SYT1: variants seen among roughly 807,000 people sequenced by gnomAD.
SYT1 encodes the protein synaptotagmin 1, also known as synaptotagmin-1.
In SYT1, 8 loss-of-function variants were observed where a neutral mutation model predicts 44.8. The observed-to-expected ratio is 0.18, with a 90% CI of 0.10 to 0.32. SYT1 has a LOEUF of 0.32. Ranked by LOEUF, SYT1 falls within the 10% of genes least tolerant of loss-of-function variation. The pLI, the probability that SYT1 is intolerant of heterozygous loss-of-function variation, is 1.00. For synonymous variants in SYT1, 154 were observed against 188.8 expected, an observed-to-expected ratio of 0.82 and a Z score of 1.51; for missense variants, 286 against 509.3, an observed-to-expected ratio of 0.56 and a Z score of 4.22.
At chr12:79,035,528 A>G (rs1443503274) in intron 2 of SYT1, among the ~76,000 whole-genome samples, 1 of 149,172 alleles carries the variant, frequency 6.7e-6, no homozygotes, top group Admixed American at 6.7e-5. Context: ...GTAGATATCA[A>G]TACCTTCTGG....
intron 3 of SYT1, among the ~76,000 whole-genome samples, chr12:79,147,902 A>G (rs1870020037): frequency 6.6e-6 from 1 of 152,234 alleles, no homozygotes; most frequent in Non-Finnish European, 1.5e-5. Context: ...CAGCACTAAC[A>G]TATAATTGGT....
chr12:79,251,411 T>C (rs1051507517), intron 4 of SYT1, among the ~76,000 whole-genome samples: 1 of 151,854 alleles, frequency 6.6e-6, no homozygotes, highest in African/African-American at 2.4e-5. Context: ...AGAAAATAAA[T>C]AGAACTTGCT....
chr12:79,362,435 A>G (rs1229485178), intron 9 of SYT1, among the ~76,000 whole-genome samples: 2 of 152,174 alleles, frequency 1.3e-5, no homozygotes, highest in African/African-American at 4.8e-5. Flanking sequence ...GCTACCCCAA[A>G]AAAGGCTTGA....
chr12:78,947,898 T>TA (rs1878757184), intron 1 of SYT1, among the ~76,000 whole-genome samples: 1 of 151,954 alleles, frequency 6.6e-6, no homozygotes, highest in Admixed American at 6.6e-5. Context: ...TAAAACATTT[T>TA]AATAAATATT....
intron 1 of SYT1, among the ~76,000 whole-genome samples, chr12:78,968,266 GA>G (rs1385827681): frequency 6.6e-6 from 1 of 152,068 alleles, no homozygotes; most frequent in African/African-American, 2.4e-5. Flanking sequence ...CACGGATTAG[GA>G]GTCTATTAGG....
intron 2 of SYT1, among the ~76,000 whole-genome samples, chr12:79,007,972 T>C (rs1401453025): frequency 6.6e-6 from 1 of 151,964 alleles, no homozygotes; most frequent in Non-Finnish European, 1.5e-5. Flanking sequence ...GTAATAAATA[T>C]GTTAGCCAGG....
chr12:78,896,286 A>C (rs1368687460), intron 1 of SYT1, among the ~76,000 whole-genome samples: 2 of 151,790 alleles, frequency 1.3e-5, no homozygotes, highest in Non-Finnish European at 3.0e-5. Context: ...GTGCCCTTAC[A>C]GGAATCACAA....
chr12:79,216,405 T>C (rs113924327), intron 3 of SYT1, among the ~76,000 whole-genome samples: 2,236 of 152,312 alleles, frequency 0.015, 36 homozygotes, highest in African/African-American at 0.044. Context: ...TCAGAAAGCC[T>C]GAAATCTTAA....
chr12:79,212,980 GT>G (rs1343035054), intron 3 of SYT1, among the ~76,000 whole-genome samples: 7 of 152,200 alleles, frequency 4.6e-5, no homozygotes, highest in Admixed American at 4.6e-4. Context: ...TTGGCACAAA[GT>G]AGGTGCCTAA....
chr12:79,170,709 T>C (rs2138348084), intron 3 of SYT1, among the ~76,000 whole-genome samples: 1 of 152,226 alleles, frequency 6.6e-6, no homozygotes, highest in African/African-American at 2.4e-5. Flanking sequence ...TTTAATTAGG[T>C]CCTATTTGTC....
Position 79,178,931 on chromosome 12 carries a change from T to TATATAG in SYT1, c.-17-38536_-17-38531dup, listed in dbSNP as rs367925795. Reference sequence around the variant, plus strand: ...ACCCAGATATAGATATAGATATATCTATATAGATATAGATATAGATATAGA... The same window carrying TATATAG: ...ACCCAGATATAGATATAGATATATCTATATAGATATAGATATAGATATAGATATAGA... On this transcript the variant is annotated intron_variant, in intron 3 of 10. Coordinates refer to ENST00000261205, the MANE Select transcript of SYT1 (RefSeq NM_005639.3). Among the ~76,000 whole-genome samples, 237 of 51,720 alleles carry TATATAG rather than the reference T, an allele frequency of 4.6e-3. 21 individuals carry two copies. The highest frequency in any genetic ancestry group is 0.01 in the African/African-American group (59 of 5,790). The allele number at this position is 51,720 out of a possible 152,430, so 33.9% of individuals were successfully genotyped here.
chr12:79,131,117 CTT>C (rs1340604236), intron 3 of SYT1, among the ~76,000 whole-genome samples: 1 of 138,762 alleles, frequency 7.2e-6, no homozygotes, highest in African/African-American at 2.6e-5. Context: ...TGTGTGTTTT[CTT>C]TTTTTTTTTT....
At position 79,004,442 on chromosome 12, in the gene SYT1, C is replaced by T. The variant is rs114752346; in HGVS notation, c.-84+26511C>T. Among the ~76,000 whole-genome samples the T allele has an allele frequency of 1.1e-3, 171 of 151,938 alleles. 1 individual carries two copies. Among genetic ancestry groups the T allele is most frequent in the African/African-American group, 3.9e-3 (163 of 41,492 alleles). On this transcript the variant is annotated intron_variant, in intron 2 of 10. Coordinates refer to ENST00000261205, the MANE Select transcript of SYT1 (RefSeq NM_005639.3). ...AATTTTGCCATTTTTATTATACTAT[C>T]GTTTTCTTTAGTTGCATAAGTAATT...
intron 2 of SYT1, among the ~76,000 whole-genome samples, chr12:79,010,885 A>G (rs1046922006): frequency 1.3e-5 from 2 of 152,162 alleles, no homozygotes; most frequent in African/African-American, 4.8e-5. Flanking sequence ...CTAATTCCTG[A>G]GCAATCTTGC....
At chr12:78,915,206 T>C (rs4842434) in intron 1 of SYT1, among the ~76,000 whole-genome samples, 116,072 of 151,976 alleles carry the variant, frequency 0.76, 44,893 homozygotes, top group African/African-American at 0.87. Flanking sequence ...ACTATTTTAA[T>C]AATAGATCAA....
chr12:79,047,490 C>G (rs1399543314), intron 3 of SYT1, 128 bp downstream of exon 3: 2 of 151,798 alleles, frequency 1.3e-5, no homozygotes, highest in Non-Finnish European at 1.5e-5. Flanking sequence ...GTTGAGCCTT[C>G]TCTTTCAATT....
At chr12:79,360,510 A>G (rs1047746489) in intron 9 of SYT1, among the ~76,000 whole-genome samples, 2 of 152,324 alleles carry the variant, frequency 1.3e-5, no homozygotes, top group South Asian at 2.1e-4. Context: ...TGTGAACTAA[A>G]AGCCACCAGT....
intron 4 of SYT1, among the ~76,000 whole-genome samples, chr12:79,285,386 G>A (rs1879260213): frequency 6.6e-6 from 1 of 152,138 alleles, no homozygotes; most frequent in African/African-American, 2.4e-5. Flanking sequence ...TTCCACTTTA[G>A]AGATGAGGAA....
chr12:79,350,310 T>C (rs532509061), intron 8 of SYT1, among the ~76,000 whole-genome samples: 32 of 145,046 alleles, frequency 2.2e-4, no homozygotes, highest in African/African-American at 8.1e-4. Flanking sequence ...TGGAGTGCAG[T>C]GGCGCGATCT....
Sources: gnomAD v4.1 joint callset for allele counts (sites outside exome capture counted in the v4.1 genomes callset) on GRCh38, gnomAD v4.1.1 for gene constraint, MANE v1.5 for transcripts, NCBI Gene and HGNC (gene_info 2026-07-23, HGNC 2026-07-21) for gene names.